Variants in DUSP16 observed in about 807,000 individuals in gnomAD.
DUSP16 encodes dual specificity protein phosphatase 16.
A neutral mutation model predicts 58.3 loss-of-function variants in DUSP16; 21 were observed. The ratio of observed to expected loss-of-function variants is 0.36; its 90% CI spans 0.26 to 0.52. The LOEUF (loss-of-function observed/expected upper bound fraction) is 0.52, where lower values mean the gene tolerates loss of function less well. DUSP16 is among the 20% of genes least tolerant of loss of function. The pLI is 0.94. For missense variants in DUSP16, 726 were observed against 819.0 expected (o/e 0.89, Z 1.39); for synonymous variants, 320 against 323.8 (o/e 0.99, Z 0.12).
In DUSP16 at chr12:12,520,902, G is replaced by C; in HGVS notation, c.197C>G (p.Thr66Arg). ...TTTCGCTGAATGCTGGATGAGCTCT[G>C]TAATTAACACTTTGTCCTGTTGCAA... is the stretch of plus-strand genomic sequence containing the variant. ...RRLQQDKVLI[T>R]ELIQHSAKHK... The change falls in exon 2 of 7, where the codon ACA (threonine) becomes AGA (arginine). Residue 66 changes from threonine (T) to arginine (R), a missense_variant. Thr to Arg is a moderately conservative substitution (Grantham distance 71, BLOSUM62 -1). Coordinates refer to ENST00000298573, the MANE Select transcript of DUSP16 (RefSeq NM_030640.3). The C allele has an allele frequency of 6.2e-7, 1 of 1,614,204 alleles. No homozygotes were observed.
At chr12:12,494,157 T>C (rs1294558976) in intron 4 of DUSP16, among the ~76,000 whole-genome samples, 1 of 152,242 alleles carries the variant, frequency 6.6e-6, no homozygotes, top group Non-Finnish European at 1.5e-5. Flanking sequence ...TACAAGTCAC[T>C]GTAAAATATC....
chr12:12,505,539 A>G (rs907154222), intron 3 of DUSP16, among the ~76,000 whole-genome samples: 4 of 152,256 alleles, frequency 2.6e-5, no homozygotes, highest in Non-Finnish European at 4.4e-5. Flanking sequence ...ACAAGTTGGT[A>G]GTAGACCTTG....
Position 12,477,825 on chromosome 12 carries a change from G to T in DUSP16, c.1006C>A (p.Pro336Thr), listed in dbSNP as rs1380036708. 1.2e-6 allele frequency: 2 copies of T among 1,613,942 alleles called. No homozygotes were observed. The highest frequency in any genetic ancestry group is 1.7e-6 in the Non-Finnish European group (2 of 1,180,032). The change falls in exon 7 of 7, where the codon CCC (proline) becomes ACC (threonine). Residue 336 changes from proline to threonine, a missense_variant. Transcript: ENST00000298573. This position sits in a 1 kb window ranked among gnomAD's most constrained non-coding sequence, Gnocchi z 4.1. ...GAGTCGGCACAGGGTGGACTGAGGG[G>T]CGTCTCGCTTTTCTGTCCACCCTCT... ...VSEGGQKSET[P>T]LSPPCADSAT...
intron 1 of DUSP16, among the ~76,000 whole-genome samples, chr12:12,559,862 C>T (rs897784657): frequency 1.3e-5 from 2 of 152,268 alleles, no homozygotes; most frequent in East Asian, 3.9e-4. Context: ...CTCTTCCCCC[C>T]TCCCATCTCA....
chr12:12,482,696 G>T (rs377341636), intron 5 of DUSP16, among the ~76,000 whole-genome samples: 2 of 152,192 alleles, frequency 1.3e-5, no homozygotes, highest in East Asian at 3.8e-4. Flanking sequence ...TTTGAGGGTG[G>T]TGGGAATGTT....
rs1944928524 is a variant in DUSP16 at position 12,562,856 on chromosome 12, GC to G, written c.-1106del. Among the ~76,000 whole-genome samples, 3 of 151,860 alleles carry G rather than the reference GC, an allele frequency of 2.0e-5. No homozygotes were observed. The highest frequency in any genetic ancestry group is 4.4e-5 in the Non-Finnish European group (3 of 67,926). ...AGGTCATGTTCCCTTCCAGAGTCCG[GC>G]GACTCTGAGGCAGGTTCCGCGGGCG... On this transcript the variant is annotated 5_prime_UTR_variant, in exon 1 of 7. Coordinates refer to ENST00000298573, the MANE Select transcript of DUSP16 (RefSeq NM_030640.3).
Position 12,477,322 on chromosome 12 carries a change from C to T in DUSP16, c.1509G>A (p.Leu503=), listed in dbSNP as rs373378280. Residue 503 remains leucine (L), a synonymous_variant, in exon 7 of 7, where the codon CTG becomes CTA. Coordinates refer to ENST00000298573, the MANE Select transcript of DUSP16 (RefSeq NM_030640.3). The surrounding 1 kb of genome is among the most constrained non-coding windows in gnomAD (Gnocchi z 4.1). The stretch of plus-strand genomic sequence containing the variant: ...TGTCCTCCACGCTCCCACTTCGATG[C>T]AGTGGAGATAAAAGGGACCTCTGGG... The part of the protein sequence containing the change: ...GTAQRSLLSP[L]HRSGSVEDNY... 2.2e-5 allele frequency: 35 copies of T among 1,614,100 alleles called. No homozygotes were observed. Among genetic ancestry groups the T allele is most frequent in the Non-Finnish European group, 2.9e-5 (34 of 1,180,046 alleles).
chr12:12,525,761 CAA>C (rs1944297669), intron 1 of DUSP16, among the ~76,000 whole-genome samples: 3 of 147,292 alleles, frequency 2.0e-5, no homozygotes, highest in Middle Eastern at 3.5e-3. Flanking sequence ...CACACACACA[CAA>C]TTTTCCCCCC....
At position 12,477,192 on chromosome 12, in the gene DUSP16, G is replaced by C; in HGVS notation, c.1639C>G (p.Gln547Glu). 1 of 1,614,168 alleles carries C rather than the reference G, an allele frequency of 6.2e-7. No individual in the cohort carries two copies. The highest frequency in any genetic ancestry group is 1.1e-5 in the South Asian group (1 of 91,080). Residue 547 changes from glutamine (Q) to glutamate (E), a missense_variant, in exon 7 of 7, where the codon CAG (glutamine) becomes GAG (glutamate). Coordinates refer to ENST00000298573, the MANE Select transcript of DUSP16 (RefSeq NM_030640.3). This position sits in a 1 kb window ranked among gnomAD's most constrained non-coding sequence, Gnocchi z 4.1. ...CTGGTCAGGGAAGGGGTAGAGGTCT[G>C]GGGGGCCAAGATATCCGAGTGCCAG... Reference protein sequence around the residue: ...KGWHSDILAPQTSTPSLTSSW... With the variant: ...KGWHSDILAPETSTPSLTSSW...
At chr12:12,511,199 G>C (rs528347397) in intron 3 of DUSP16, among the ~76,000 whole-genome samples, 2 of 152,274 alleles carry the variant, frequency 1.3e-5, no homozygotes, top group South Asian at 4.1e-4. Flanking sequence ...GAGGCTCCTG[G>C]AGCAACCTGG....
chr12:12,533,087 A>T (rs1592200007), intron 1 of DUSP16, among the ~76,000 whole-genome samples: 1 of 152,248 alleles, frequency 6.6e-6, no homozygotes, highest in Non-Finnish European at 1.5e-5. Context: ...GAAGTGAGAA[A>T]AATGAAATTT....
chr12:12,550,144 G>T (rs1236367005), intron 1 of DUSP16, among the ~76,000 whole-genome samples: 1 of 151,978 alleles, frequency 6.6e-6, no homozygotes, highest in Non-Finnish European at 1.5e-5. Flanking sequence ...ATGATGGAGG[G>T]TGCCTGTAAT....
intron 4 of DUSP16, 125 bp from the exon 5 acceptor site, chr12:12,487,312 C>T (rs1018387217): frequency 9.2e-7 from 1 of 1,087,580 alleles, no homozygotes. Flanking sequence ...TCATTCAGAT[C>T]AGTGAAGTCC....
chr12:12,483,956 CTTAAA>C (rs1943626957), intron 5 of DUSP16, among the ~76,000 whole-genome samples: 1 of 81,384 alleles, frequency 1.2e-5, no homozygotes, highest in Non-Finnish European at 3.2e-5. Flanking sequence ...ATCCCTAAAA[CTTAAA>C]GTATAATAAT....
At chr12:12,535,080 A>C (rs574136527) in intron 1 of DUSP16, among the ~76,000 whole-genome samples, 3 of 152,372 alleles carry the variant, frequency 2.0e-5, no homozygotes, top group African/African-American at 7.2e-5. Context: ...AAAAGCAGAA[A>C]TAACCTCTGC....
At position 12,476,619 on chromosome 12, in the gene DUSP16, C is replaced by A. The variant is rs1481673161; in HGVS notation, c.*214G>T. 5.6e-5 allele frequency: 27 copies of A among 485,180 alleles called. No homozygotes were observed. The highest frequency in any genetic ancestry group is 9.0e-5 in the Non-Finnish European group (25 of 278,778). 30.1% of individuals were successfully genotyped at this position (485,180 alleles called of 1,614,324 possible). Reference sequence around the variant, plus strand: ...CGTCTAGGGGGGATTCTAGCATCTGCCCTTCCATTTTTGTTGAGAGAAGTA... The same window carrying A: ...CGTCTAGGGGGGATTCTAGCATCTGACCTTCCATTTTTGTTGAGAGAAGTA... On this transcript the variant is annotated 3_prime_UTR_variant, in exon 7 of 7. Transcript: ENST00000298573.
At chr12:12,533,160 T>G (rs1289488249) in intron 1 of DUSP16, among the ~76,000 whole-genome samples, 1 of 152,236 alleles carries the variant, frequency 6.6e-6, no homozygotes, top group African/African-American at 2.4e-5. Flanking sequence ...GGTATGACTC[T>G]TATAATACAA....
chr12:12,522,738 A>T (rs1366506321), intron 1 of DUSP16, among the ~76,000 whole-genome samples: 2 of 151,884 alleles, frequency 1.3e-5, no homozygotes, highest in Non-Finnish European at 2.9e-5. Flanking sequence ...TAATTTTTGT[A>T]CTTTTTGTAG....
intron 5 of DUSP16, among the ~76,000 whole-genome samples, chr12:12,484,729 C>T (rs1943645455): frequency 6.6e-6 from 1 of 151,962 alleles, no homozygotes; most frequent in Admixed American, 6.6e-5. Context: ...TCAAGAGATT[C>T]TCCTGCCTCA....
Sources: allele counts gnomAD v4.1 joint callset (sites outside exome capture counted in the v4.1 genomes callset), GRCh38; gene constraint gnomAD v4.1.1; non-coding constraint Gnocchi (gnomAD v3.1); transcripts MANE v1.5; gene names NCBI Gene and HGNC (gene_info 2026-07-23, HGNC 2026-07-21).